The following AQR variants were observed in gnomAD, a reference collection of about 807,000 sequenced individuals.
AQR encodes RNA helicase aquarius.
Under a neutral mutation model 180.5 loss-of-function variants are expected in AQR, and 61 were observed. The observed-to-expected ratio is 0.34, with a 90% CI of 0.28 to 0.42. The LOEUF (loss-of-function observed/expected upper bound fraction) is 0.42, where lower values mean the gene tolerates loss of function less well. Ranked by LOEUF, AQR falls within the 10% of genes least tolerant of loss-of-function variation. The probability of loss-of-function intolerance (pLI) is 1.00; values close to 1 mark genes in which losing one functional copy is unlikely to be tolerated. For synonymous variants in AQR, 551 were observed against 588.8 expected (o/e 0.94, Z 0.93); for missense variants, 1,281 against 1,798.3 (o/e 0.71, Z 5.20).
chr15:34,916,357 G>A (rs1397782078), intron 15 of AQR, among the ~76,000 whole-genome samples: 1 of 151,648 alleles, frequency 6.6e-6, no homozygotes, highest in African/African-American at 2.4e-5. Flanking sequence ...AGTGACCACT[G>A]AGCTGCAATA....
At chr15:34,942,233 T>C (rs994958329) in intron 6 of AQR, among the ~76,000 whole-genome samples, 153 bp from the exon 7 acceptor site, 2 of 152,164 alleles carry the variant, frequency 1.3e-5, no homozygotes. Context: ...AGTTCAATGC[T>C]TTAAAAAAGA....
rs563608474 is a variant in AQR, at chr15:34,898,197, G to A, written c.2244-492C>T. On this transcript the variant is annotated intron_variant, in intron 20 of 34. Coordinates refer to ENST00000156471, the MANE Select transcript of AQR (RefSeq NM_014691.3). ...AAGAGACAGAAGCCTTGTTATGACA[G>A]GAACCTTATAATGACATGTCTAGAA... 2.0e-5 allele frequency among the ~76,000 whole-genome samples: 3 copies of A among 152,270 alleles called. No homozygotes were observed. The South Asian group carries it at 6.2e-4, about 32-fold the overall frequency.
chr15:34,944,017 G>C (rs1199851157), intron 6 of AQR, among the ~76,000 whole-genome samples: 5 of 152,050 alleles, frequency 3.3e-5, no homozygotes, highest in Admixed American at 3.3e-4. Context: ...TAGAGTTTCA[G>C]TTCTTATAAT....
At chr15:34,944,237 T>G in intron 6 of AQR, 51 bp downstream of exon 6, 1 of 1,514,378 alleles carries the variant, frequency 6.6e-7, no homozygotes, top group Non-Finnish European at 8.9e-7. Context: ...AAACTCAACC[T>G]AAAAGAACAA....
chr15:34,933,136 C>T (rs888784030), intron 10 of AQR, among the ~76,000 whole-genome samples: 2 of 152,094 alleles, frequency 1.3e-5, no homozygotes, highest in Non-Finnish European at 2.9e-5. Context: ...TCTTTGTTTC[C>T]TCTCCTCATG....
intron 5 of AQR, among the ~76,000 whole-genome samples, chr15:34,946,683 AG>A: frequency 7.8e-6 from 1 of 127,736 alleles, no homozygotes; most frequent in East Asian, 2.7e-4. Flanking sequence ...CTGCCCGGCC[AG>A]CCGCCCGTCC....
intron 7 of AQR, among the ~76,000 whole-genome samples, chr15:34,941,668 T>C (rs1894024675): frequency 6.6e-6 from 1 of 152,156 alleles, no homozygotes; most frequent in Non-Finnish European, 1.5e-5. Flanking sequence ...ATATTAGGTA[T>C]GATCCAGATC....
chr15:34,956,324 GT>G lies in AQR; in HGVS notation c.174-3405del, dbSNP rs143047065. 3.4e-3 allele frequency among the ~76,000 whole-genome samples: 515 copies of G among 151,872 alleles called. 2 individuals are homozygous for G. The highest frequency in any genetic ancestry group is 6.0e-3 in the Non-Finnish European group (409 of 67,932). ...CATACCGGAGTGTACTAGTTAAGAGGTTTCTAGAAGGCAAAGGACTCTTATT... is the reference window on the plus strand; with the variant it reads ...CATACCGGAGTGTACTAGTTAAGAGGTTCTAGAAGGCAAAGGACTCTTATT... On this transcript the variant is annotated intron_variant, in intron 3 of 34. Coordinates refer to ENST00000156471, the MANE Select transcript of AQR (RefSeq NM_014691.3).
At chr15:34,901,632 A>G (rs1032869923) in intron 19 of AQR, among the ~76,000 whole-genome samples, 5 of 152,220 alleles carry the variant, frequency 3.3e-5, no homozygotes, top group Non-Finnish European at 7.4e-5. Context: ...CCATTTTTAA[A>G]TCATAACTGT....
intron 6 of AQR, chr15:34,943,271 G>C: frequency 6.3e-7 from 1 of 1,595,736 alleles, no homozygotes; most frequent in Non-Finnish European, 8.6e-7. Flanking sequence ...AAACTACAAA[G>C]ATTGTGCTAA....
chr15:34,891,085 T>C (rs1227077784), intron 23 of AQR, among the ~76,000 whole-genome samples: 1 of 152,180 alleles, frequency 6.6e-6, no homozygotes, highest in Non-Finnish European at 1.5e-5. Flanking sequence ...TCCAGTCTTA[T>C]AAACACCTAG....
In AQR at chr15:34,932,324, A is replaced by T. The variant is rs1398095631; in HGVS notation, c.894T>A (p.Phe298Leu). 6.2e-7 allele frequency: 1 copy of T among 1,607,144 alleles called. No homozygotes were observed. Among genetic ancestry groups the T allele is most frequent in the Non-Finnish European group, 8.5e-7 (1 of 1,173,814 alleles). ...CAGATACATCAATATTCACCTGGGA[A>T]AAAAGATGGCCATCCTCTTCTCTAC... The part of the protein sequence containing the change: ...LVRREEDGHL[F>L]SQLLDMLKFY... The change falls in exon 11 of 35, where the codon TTT (phenylalanine) becomes TTA (leucine). Residue 298 changes from phenylalanine (F) to leucine (L), a missense_variant. Coordinates refer to ENST00000156471, the MANE Select transcript of AQR (RefSeq NM_014691.3).
At chr15:34,862,323 T>C (rs768770529) in intron 33 of AQR, among the ~76,000 whole-genome samples, 3 of 152,176 alleles carry the variant, frequency 2.0e-5, no homozygotes, top group Non-Finnish European at 2.9e-5. Flanking sequence ...TCTGGGATGT[T>C]ATTCGAAAAG....
chr15:34,944,284 G>C lies in AQR; in HGVS notation c.471+4C>G, dbSNP rs372155989. ...AATTACCCCAAAATATAAAGTAAAA[G>C]TACCAAACTATTGAAGCAATGATCA... On this transcript the variant is annotated splice_donor_region_variant and intron_variant, in intron 6 of 34. Transcript: ENST00000156471. 6.3e-7 allele frequency: 1 copy of C among 1,577,660 alleles called. No individual in the cohort carries two copies. The highest frequency in any genetic ancestry group is 1.4e-5 in the African/African-American group (1 of 72,472).
intron 7 of AQR, 78 bp from the exon 8 acceptor site, chr15:34,941,077 G>T: frequency 1.0e-6 from 1 of 987,838 alleles, no homozygotes; most frequent in Non-Finnish European, 1.5e-6. Flanking sequence ...CTATTTGCTA[G>T]TTTTCTAATA....
Position 34,856,927 on chromosome 15 carries a change from C to T in AQR, c.4323G>A (p.Glu1441=). Residue 1441 remains glutamate, a synonymous_variant, in exon 35 of 35, where the codon GAG becomes GAA. Coordinates refer to ENST00000156471, the MANE Select transcript of AQR (RefSeq NM_014691.3). Reference sequence around the variant, plus strand: ...CTTCTGGAGTGGAAGTGGCTCCTGTCTCACTGGGGGTGGTGTCAGTTTGAA... The same window carrying T: ...CTTCTGGAGTGGAAGTGGCTCCTGTTTCACTGGGGGTGGTGTCAGTTTGAA... The part of the protein sequence containing the change: ...PAFQTDTTPS[E]TGATSTPEAI... 6.2e-7 allele frequency: 1 copy of T among 1,614,060 alleles called. No homozygotes were observed. The highest frequency in any genetic ancestry group is 2.2e-5 in the East Asian group (1 of 44,868).
chr15:34,876,299 G>C (rs1463618172), intron 27 of AQR, among the ~76,000 whole-genome samples: 1 of 151,980 alleles, frequency 6.6e-6, no homozygotes, highest in Non-Finnish European at 1.5e-5. Context: ...ATGCCAGTTT[G>C]GTTCTTTTCA....
intron 16 of AQR, among the ~76,000 whole-genome samples, chr15:34,911,497 G>A (rs779736168): frequency 6.6e-6 from 1 of 152,092 alleles, no homozygotes; most frequent in Non-Finnish European, 1.5e-5. Flanking sequence ...ACAGGTGTGA[G>A]GTTTGAATAT....
intron 30 of AQR, among the ~76,000 whole-genome samples, chr15:34,872,640 TA>T (rs1892835999): frequency 6.6e-6 from 1 of 152,146 alleles, no homozygotes; most frequent in South Asian, 2.1e-4. Context: ...AGTTATCATT[TA>T]AAGGTCACAT....
Sources: allele counts gnomAD v4.1 joint callset (sites outside exome capture counted in the v4.1 genomes callset), GRCh38; gene constraint gnomAD v4.1.1; transcripts MANE v1.5; gene names NCBI Gene and HGNC (gene_info 2026-07-23, HGNC 2026-07-21).